BMPER: variants seen among roughly 807,000 people sequenced by gnomAD.
The protein encoded by BMPER is BMP binding endothelial regulator, also known as BMP-binding endothelial regulator protein.
A neutral mutation model predicts 87.3 loss-of-function variants in BMPER; 45 were observed. The ratio of observed to expected loss-of-function variants is 0.52; its 90% confidence interval spans 0.41 to 0.66. The LOEUF (loss-of-function observed/expected upper bound fraction) is 0.66. Ranked by LOEUF, BMPER falls within the 30% of genes least tolerant of loss-of-function variation. The pLI is 0.00. For synonymous variants in BMPER, 326 were observed against 316.2 expected (o/e 1.03, Z -0.33); for missense variants, 784 against 867.5 (o/e 0.90, Z 1.21).
At chr7:34,001,689 G>A (rs1786585176) in intron 6 of BMPER, among the ~76,000 whole-genome samples, 1 of 150,720 alleles carries the variant, frequency 6.6e-6, no homozygotes, top group Non-Finnish European at 1.5e-5. Context: ...TGCCATTCTA[G>A]TCTTCATCAT....
At chr7:34,092,744 T>C (rs571932287) in intron 13 of BMPER, among the ~76,000 whole-genome samples, 24 of 152,324 alleles carry the variant, frequency 1.6e-4, no homozygotes, top group African/African-American at 5.1e-4. Context: ...CTTCAAAATC[T>C]GGTCAGTCCA....
intron 2 of BMPER, among the ~76,000 whole-genome samples, chr7:33,918,534 G>A (rs1011894670): frequency 6.6e-6 from 1 of 152,206 alleles, no homozygotes; most frequent in Non-Finnish European, 1.5e-5. Context: ...GATTTATGGT[G>A]TAAAAGCAGT....
chr7:33,905,562 C>T lies in BMPER; in HGVS notation c.-52C>T. ...TCGACTGTGAGCTGCGGCAGCTGAG[C>T]AGAGGCGGCGGCGCGGGACCTGCAG... On this transcript the variant is annotated 5_prime_UTR_variant, in exon 1 of 15. Coordinates refer to ENST00000649409, the MANE Select transcript of BMPER (RefSeq NM_001365308.1). 6.2e-7 allele frequency: 1 copy of T among 1,602,500 alleles called. No individual in the cohort carries two copies. The highest frequency in any genetic ancestry group is 8.5e-7 in the Non-Finnish European group (1 of 1,178,662).
rs184564232 is a variant in BMPER at position 33,970,549 on chromosome 7, G to C, written c.493+130G>C. On this transcript the variant is annotated intron_variant, in intron 5 of 14. Transcript: ENST00000649409. ...TGTACCTAATGGGTTTAGAGAGCGA[G>C]CTCCTTTGCATAGAAATATCCGCTT... The C allele has an allele frequency of 4.9e-5, 47 of 949,636 alleles. No individual in the cohort carries two copies. The African/African-American group carries it at 6.3e-4, about 13-fold the overall frequency. 58.8% of individuals were successfully genotyped at this position (949,636 alleles called of 1,614,324 possible). A position where few individuals can be genotyped will look rare whatever the true frequency, so the allele number is the denominator to read the frequency against.
intron 7 of BMPER, among the ~76,000 whole-genome samples, chr7:34,048,785 T>A (rs1016100393): frequency 7.9e-5 from 12 of 152,184 alleles, no homozygotes; most frequent in African/African-American, 2.9e-4. Context: ...AATCTCTTTT[T>A]TGGTTGGGCT....
At chr7:34,070,180 T>A (rs1788700281) in intron 11 of BMPER, among the ~76,000 whole-genome samples, 1 of 152,104 alleles carries the variant, frequency 6.6e-6, no homozygotes, top group Non-Finnish European at 1.5e-5. Flanking sequence ...TTGGAGAACA[T>A]GTTCTTTCAA....
At chr7:34,037,188 C>T (rs898921212) in intron 6 of BMPER, among the ~76,000 whole-genome samples, 4 of 151,970 alleles carry the variant, frequency 2.6e-5, no homozygotes, top group African/African-American at 9.7e-5. Context: ...GTGAGAGAGA[C>T]AAGTTGTCTC....
At chr7:33,975,866 C>T (rs1785673638) in intron 6 of BMPER, among the ~76,000 whole-genome samples, 1 of 152,112 alleles carries the variant, frequency 6.6e-6, no homozygotes. Context: ...AGCACACATG[C>T]ACCCAACCTA....
At chr7:34,128,730 A>T (rs1435927452) in intron 13 of BMPER, among the ~76,000 whole-genome samples, 1 of 152,196 alleles carries the variant, frequency 6.6e-6, no homozygotes, top group East Asian at 1.9e-4. Context: ...ATCTGAATAA[A>T]GGGCTGGAAG....
At chr7:33,955,647 C>T (rs1785131020) in intron 3 of BMPER, among the ~76,000 whole-genome samples, 1 of 152,150 alleles carries the variant, frequency 6.6e-6, no homozygotes, top group Non-Finnish European at 1.5e-5. Context: ...CTGATATTTC[C>T]ATATAAGTAA....
rs1788941169 is a variant in BMPER at position 34,079,050 on chromosome 7, G to A, written c.1272G>A (p.Val424=). Residue 424 remains valine, a synonymous_variant, in exon 12 of 15, where the codon GTG becomes GTA. Transcript: ENST00000649409. ...SFSWTKSVEL[V]LGESRVSLQQ... is the part of the protein sequence containing the mutation. ...CGTGGACCAAGTCGGTGGAGCTGGTGCTGGGCGAGAGCAGGGTCAGCCTGC... is the reference window on the plus strand; with the variant it reads ...CGTGGACCAAGTCGGTGGAGCTGGTACTGGGCGAGAGCAGGGTCAGCCTGC... 6.2e-7 allele frequency: 1 copy of A among 1,614,064 alleles called. No individual in the cohort carries two copies. The highest frequency in any genetic ancestry group is 1.1e-5 in the South Asian group (1 of 91,084).
rs1457045802 is a variant in BMPER at position 33,905,882 on chromosome 7, A to T, written c.133+136A>T. ...GCTTGCCCTGCGCTGGTCGATGGGG[A>T]TGAAGCGAAGCCCCGGGAGGGCTGG... On this transcript the variant is annotated intron_variant, in intron 1 of 14. Transcript: ENST00000649409. 24 of 1,258,752 alleles carry T rather than the reference A, an allele frequency of 1.9e-5. No individual in the cohort carries two copies. In the East Asian group the frequency reaches 6.1e-4, roughly 32 times the overall value. 78.0% of individuals were successfully genotyped at this position (1,258,752 alleles called of 1,614,324 possible).
chr7:33,930,116 A>C (rs919710423), intron 2 of BMPER, among the ~76,000 whole-genome samples: 3 of 152,182 alleles, frequency 2.0e-5, no homozygotes, highest in African/African-American at 7.2e-5. Flanking sequence ...GGGTGAAACC[A>C]CTTCTTTCAG....
chr7:34,051,559 G>A (rs1788146043), intron 7 of BMPER, among the ~76,000 whole-genome samples: 1 of 152,128 alleles, frequency 6.6e-6, no homozygotes, highest in South Asian at 2.1e-4. Flanking sequence ...CCTTTCACTA[G>A]ACTGTGAGCT....
rs560831115 is a variant in BMPER at position 34,039,575 on chromosome 7, C to T, written c.577-6731C>T. 4.7e-4 allele frequency among the ~76,000 whole-genome samples: 70 copies of T among 150,002 alleles called. 1 individual carries two copies. The highest frequency in any genetic ancestry group is 1.7e-3 in the African/African-American group (70 of 40,626). On this transcript the variant is annotated intron_variant, in intron 6 of 14. Coordinates refer to ENST00000649409, the MANE Select transcript of BMPER (RefSeq NM_001365308.1). ...TGTCAGGAGTGTGAAGGTTGAGGAACTCTAATCTAGTGGGTAAGACACACA... is the reference window on the plus strand; with the variant it reads ...TGTCAGGAGTGTGAAGGTTGAGGAATTCTAATCTAGTGGGTAAGACACACA...
At chr7:34,112,422 G>A (rs961447963) in intron 13 of BMPER, among the ~76,000 whole-genome samples, 3 of 142,550 alleles carry the variant, frequency 2.1e-5, no homozygotes, top group East Asian at 2.2e-4. Context: ...CGTGAACCTC[G>A]GAGGCGGAGC....
chr7:34,124,321 A>G (rs1790342593), intron 13 of BMPER, among the ~76,000 whole-genome samples: 2 of 152,138 alleles, frequency 1.3e-5, no homozygotes, highest in Admixed American at 1.3e-4. Flanking sequence ...ATTTTATTAT[A>G]TTATTAATAC....
chr7:34,020,752 A>G (rs1007162724), intron 6 of BMPER, among the ~76,000 whole-genome samples: 11 of 152,044 alleles, frequency 7.2e-5, no homozygotes, highest in African/African-American at 2.6e-4. Flanking sequence ...CCAGCAGACA[A>G]GAGCACCAGT....
intron 6 of BMPER, among the ~76,000 whole-genome samples, chr7:33,982,963 A>T (rs1785903431): frequency 6.6e-6 from 1 of 152,118 alleles, no homozygotes; most frequent in Non-Finnish European, 1.5e-5. Context: ...GACTGGGAAA[A>T]TTTCATAATA....
Sources: gnomAD v4.1 joint callset for allele counts (sites outside exome capture counted in the v4.1 genomes callset) on GRCh38, gnomAD v4.1.1 for gene constraint, MANE v1.5 for transcripts, NCBI Gene and HGNC (gene_info 2026-07-23, HGNC 2026-07-21) for gene names.